NUMA1: variants seen among roughly 807,000 people sequenced by gnomAD.
The protein encoded by NUMA1 is SP-H antigen.
Under a neutral mutation model 237.1 loss-of-function variants are expected in NUMA1, and 62 were observed. That is an observed-to-expected ratio of 0.26 (90% confidence interval 0.21 to 0.32). NUMA1 has a LOEUF of 0.32. Ranked by LOEUF, NUMA1 falls within the 10% of genes least tolerant of loss-of-function variation. The pLI, the probability that NUMA1 is intolerant of heterozygous loss-of-function variation, is 1.00. For synonymous variants in NUMA1, 1,028 were observed against 1,066.1 expected, an observed-to-expected ratio of 0.96 and a Z score of 0.70; for missense variants, 2,533 against 2,666.5, an observed-to-expected ratio of 0.95 and a Z score of 1.10.
intron 21 of NUMA1, among the ~76,000 whole-genome samples, chr11:72,006,807 G>A (rs1021601481): frequency 6.6e-6 from 1 of 152,218 alleles, no homozygotes; most frequent in Non-Finnish European, 1.5e-5. Context: ...TCAAGATGTG[G>A]AAACAAAGGC....
In NUMA1 at chr11:72,015,337, C is replaced by T; in HGVS notation, c.2166G>A (p.Lys722=). The T allele has an allele frequency of 4.3e-6, 7 of 1,613,448 alleles. No homozygotes were observed. The highest frequency in any genetic ancestry group is 4.0e-5 in the African/African-American group (3 of 75,070). ...KVTKGSLEEE[K]RRAADALEEQ... ...CTTCCAGGGCATCTGCAGCCCTGCG[C>T]TTCTCCTCTTCAAGGCTGCCCTTGG... The change falls in exon 15 of 27, where the codon AAG becomes AAA. Residue 722 remains lysine (K), a synonymous_variant. Coordinates refer to ENST00000393695, the MANE Select transcript of NUMA1 (RefSeq NM_006185.4). This position sits in a 1 kb window ranked among gnomAD's most constrained non-coding sequence, Gnocchi z 4.0.
chr11:72,079,034 A>G (rs1414919776), intron 1 of NUMA1, among the ~76,000 whole-genome samples: 1 of 152,238 alleles, frequency 6.6e-6, no homozygotes, highest in Non-Finnish European at 1.5e-5. Context: ...AGGGAGTGCC[A>G]TTCCAGTAAA....
At chr11:72,019,081 T>C in intron 9 of NUMA1, 101 bp from the exon 10 acceptor site, 1 of 1,277,938 alleles carries the variant, frequency 7.8e-7, no homozygotes, top group Non-Finnish European at 1.1e-6. Flanking sequence ...AAGTGCGCAC[T>C]AGCAGCTGGG....
At chr11:72,043,083 G>A (rs1941787335) in intron 2 of NUMA1, among the ~76,000 whole-genome samples, 1 of 152,124 alleles carries the variant, frequency 6.6e-6, no homozygotes, top group Non-Finnish European at 1.5e-5. Flanking sequence ...GTGGAGACAG[G>A]GTAAAGAACT....
rs780500894 is a variant in NUMA1, at chr11:72,013,346, T to G, written c.4157A>C (p.Glu1386Ala). 21 of 1,608,150 alleles carry G rather than the reference T, an allele frequency of 1.3e-5. No individual in the cohort carries two copies. The highest frequency in any genetic ancestry group is 1.7e-5 in the Non-Finnish European group (20 of 1,179,894). ...AAEKRHREEL[E>A]QSKQAAGGLR... is the part of the protein sequence containing the mutation. ...TCCCCCAGCGGCCTGCTTGCTCTGC[T>G]CCAGCTCCTCACGGTGGCGTTTCTC... Residue 1386 changes from glutamate (E) to alanine (A), a missense_variant, in exon 15 of 27, where the codon GAG becomes GCG. By Grantham distance (107) the Glu-to-Ala change is moderately radical. Around this residue, in one of 3 missense-constraint regions of NUMA1, gnomAD observed 324 missense variants for 407.6 expected, o/e 0.79. Transcript: ENST00000393695. This position sits in a 1 kb window ranked among gnomAD's most constrained non-coding sequence, Gnocchi z 6.8.
intron 2 of NUMA1, among the ~76,000 whole-genome samples, chr11:72,038,778 C>T (rs1262072931): frequency 6.6e-6 from 1 of 151,782 alleles, no homozygotes; most frequent in East Asian, 1.9e-4. Context: ...GGATCAGGCA[C>T]CCCCCGTCCC....
At chr11:72,022,553 C>T in intron 6 of NUMA1, 134 bp from the exon 7 acceptor site, 1 of 617,898 alleles carries the variant, frequency 1.6e-6, no homozygotes, top group Non-Finnish European at 2.9e-6. Flanking sequence ...AATCCCAGGC[C>T]ACCATCCTTA....
intron 2 of NUMA1, chr11:72,040,834 C>A: frequency 6.6e-6 from 1 of 152,288 alleles, no homozygotes; most frequent in Non-Finnish European, 1.5e-5. Flanking sequence ...CTCTCCCTCC[C>A]CTTTAAGGAT....
intron 17 of NUMA1, 149 bp from the exon 18 acceptor site, chr11:72,009,536 G>T: frequency 9.3e-7 from 1 of 1,075,908 alleles, no homozygotes; most frequent in Non-Finnish European, 1.3e-6. Flanking sequence ...AATACTCTCT[G>T]CCCGACTACA....
chr11:72,015,127 G>A lies in NUMA1; in HGVS notation c.2376C>T (p.Ala792=), dbSNP rs1289281302. The part of the protein sequence containing the change: ...TEVLRRELAE[A]MAAQHTAESE... ...TCTCAGCTGTGTGCTGGGCAGCCAT[G>A]GCCTCTGCCAGCTCCCGCCGCAGGA... Residue 792 remains alanine, a synonymous_variant, in exon 15 of 27, where the codon GCC becomes GCT. Coordinates refer to ENST00000393695, the MANE Select transcript of NUMA1 (RefSeq NM_006185.4). The surrounding 1 kb of genome is among the most constrained non-coding windows in gnomAD (Gnocchi z 4.0). The A allele has an allele frequency of 1.9e-6, 3 of 1,613,496 alleles. No individual in the cohort carries two copies. Among genetic ancestry groups the A allele is most frequent in the Non-Finnish European group, 2.5e-6 (3 of 1,180,034 alleles).
Position 72,007,455 on chromosome 11 carries a change from T to C in NUMA1, c.5217-20A>G. ...AGCTTGCTATGGAAAGGAAACCTGC[T>C]GAGGTACAGTCCTTCACGCTAGAAG... On this transcript the variant is annotated intron_variant, in intron 20 of 26. Transcript: ENST00000393695. The C allele has an allele frequency of 6.2e-7, 1 of 1,612,072 alleles. No individual in the cohort carries two copies. Among genetic ancestry groups the C allele is most frequent in the Non-Finnish European group, 8.5e-7 (1 of 1,179,752 alleles).
At chr11:72,027,311 G>C (rs1939709500) in intron 4 of NUMA1, among the ~76,000 whole-genome samples, 2 of 152,162 alleles carry the variant, frequency 1.3e-5, no homozygotes, top group South Asian at 4.1e-4. Flanking sequence ...ATTAATGTCA[G>C]GTGCCTGGAT....
intron 2 of NUMA1, among the ~76,000 whole-genome samples, chr11:72,064,276 A>C (rs1262536351): frequency 6.7e-6 from 1 of 148,996 alleles, no homozygotes; most frequent in Non-Finnish European, 1.5e-5. Flanking sequence ...TGGGCAACAT[A>C]GTAGACTCCA....
In NUMA1 at chr11:72,035,974, G is replaced by A. The variant is rs371279810; in HGVS notation, c.-31C>T. 82 of 1,610,948 alleles carry A rather than the reference G, an allele frequency of 5.1e-5. No individual in the cohort carries two copies. The African/African-American group carries it at 5.2e-4, about 10-fold the overall frequency. ...TGATGCCAGACAGTCACTCCAATGCGCCTGGAACCCAAGAGAGGAAGAAAA... is the reference window on the plus strand; with the variant it reads ...TGATGCCAGACAGTCACTCCAATGCACCTGGAACCCAAGAGAGGAAGAAAA... On this transcript the variant is annotated splice_region_variant and 5_prime_UTR_variant, in exon 3 of 27. Coordinates refer to ENST00000393695, the MANE Select transcript of NUMA1 (RefSeq NM_006185.4).
In NUMA1 at chr11:72,014,531, C is replaced by G; in HGVS notation, c.2972G>C (p.Ser991Thr). Residue 991 changes from serine to threonine, a missense_variant, in exon 15 of 27, where the codon AGC becomes ACC. By Grantham distance (58) the Ser-to-Thr change is moderately conservative. Coordinates refer to ENST00000393695, the MANE Select transcript of NUMA1 (RefSeq NM_006185.4). This position sits in a 1 kb window ranked among gnomAD's most constrained non-coding sequence, Gnocchi z 4.6. The stretch of plus-strand genomic sequence containing the variant: ...ACGCTCCTCCTGCTGCTGCCCCTGG[C>G]TCTCCATCAGCGCGGCCCGCAGCCG... ...LERLRAALMESQGQQQEERGQ... is the reference protein window; with the variant it reads ...LERLRAALMETQGQQQEERGQ... 6 of 1,602,204 alleles carry G rather than the reference C, an allele frequency of 3.7e-6. No homozygotes were observed. The highest frequency in any genetic ancestry group is 1.7e-5 in the Admixed American group (1 of 60,028).
intron 8 of NUMA1, chr11:72,020,928 T>A: frequency 2.9e-6 from 1 of 344,610 alleles, no homozygotes; most frequent in Non-Finnish European, 5.3e-6. Flanking sequence ...AAGCCTAGAG[T>A]AATGATTGTT....
rs752799135 is a variant in NUMA1, at chr11:72,015,410, T to C, written c.2093A>G (p.Asp698Gly). The C allele has an allele frequency of 1.9e-6, 3 of 1,611,940 alleles. No homozygotes were observed. Among genetic ancestry groups the C allele is most frequent in the Non-Finnish European group, 2.5e-6 (3 of 1,180,018 alleles). ...GGCCTGGAGCTGCTCCTGGAGCTGG[T>C]CCTTCTCCTGGGCCACCCTTTCTTT... ...TEKERVAQEK[D>G]QLQEQLQALK... The change falls in exon 15 of 27, where the codon GAC becomes GGC. Residue 698 changes from aspartate (D) to glycine (G), a missense_variant. This residue lies in a region of NUMA1 where 1,414 missense variants were observed against 1,508.1 expected (regional missense o/e 0.94). Transcript: ENST00000393695. The surrounding 1 kb of genome is among the most constrained non-coding windows in gnomAD (Gnocchi z 4.0).
intron 4 of NUMA1, among the ~76,000 whole-genome samples, chr11:72,028,193 A>C (rs1939822077): frequency 6.6e-6 from 1 of 152,172 alleles, no homozygotes; most frequent in African/African-American, 2.4e-5. Context: ...CATTCACTAA[A>C]ACCTAAACAA....
Position 72,019,476 on chromosome 11 carries a change from G to T in NUMA1, c.584+18C>A. The T allele has an allele frequency of 6.2e-7, 1 of 1,611,212 alleles. No individual in the cohort carries two copies. The highest frequency in any genetic ancestry group is 1.1e-5 in the South Asian group (1 of 90,880). On this transcript the variant is annotated intron_variant, in intron 9 of 26. Coordinates refer to ENST00000393695, the MANE Select transcript of NUMA1 (RefSeq NM_006185.4). ...GGATGCTGAGGCCCTATCCCAGGAG[G>T]AGAGGCCCAGAACATACTTGTTCCC...
Sources: allele counts gnomAD v4.1 joint callset (sites outside exome capture counted in the v4.1 genomes callset), GRCh38; gene constraint gnomAD v4.1.1; regional missense constraint gnomAD v4.1.1; non-coding constraint Gnocchi (gnomAD v3.1); transcripts MANE v1.5; gene names NCBI Gene and HGNC (gene_info 2026-07-23, HGNC 2026-07-21).